The following NHERF1 variants were observed in gnomAD, a reference collection of about 807,000 sequenced individuals.
NHERF1 encodes NHERF family PDZ scaffold protein 1, also known as Na(+)/H(+) exchange regulatory cofactor NHE-RF1.
the NHERF1 span, chr17:74,749,096 A>G: frequency 4.4e-6 from 7 of 1,585,312 alleles, no homozygotes; most frequent in Admixed American, 1.8e-5. This position sits in a 1 kb window ranked among gnomAD's most constrained non-coding sequence, Gnocchi z 5.6. Context: ...CGCCGCACTC[A>G]ACGCCGTGCG....
At chr17:74,752,466 A>C in the NHERF1 span, among the ~76,000 whole-genome samples, 2 of 151,780 alleles carry the variant, frequency 1.3e-5, no homozygotes, top group Non-Finnish European at 2.9e-5. Context: ...CAGTAGGCAG[A>C]GTTAGCATTT....
chr17:74,766,561 G>A, the NHERF1 span, among the ~76,000 whole-genome samples: 2 of 151,888 alleles, frequency 1.3e-5, no homozygotes, highest in Non-Finnish European at 2.9e-5. Flanking sequence ...GAACACTGTA[G>A]TAAGGGTGTT....
the NHERF1 span, chr17:74,748,866 C>T: frequency 1.3e-6 from 2 of 1,594,750 alleles, no homozygotes; most frequent in Admixed American, 1.7e-5. The surrounding 1 kb of genome is among the most constrained non-coding windows in gnomAD (Gnocchi z 4.3). Flanking sequence ...GACGCAGCGG[C>T]CGGGGCGCCC....
the NHERF1 span, among the ~76,000 whole-genome samples, chr17:74,766,763 T>A: frequency 1.6e-3 from 240 of 151,618 alleles, 1 homozygote; most frequent in African/African-American, 5.1e-3. Context: ...AAAAAAAAAA[T>A]TTTTTTTAAA....
chr17:74,763,722 G>A, the NHERF1 span, among the ~76,000 whole-genome samples: 1 of 152,216 alleles, frequency 6.6e-6, no homozygotes, highest in African/African-American at 2.4e-5. Flanking sequence ...GTGGGTTTCT[G>A]AGGACGGCTT....
chr17:74,764,144 T>C, the NHERF1 span, among the ~76,000 whole-genome samples: 1 of 152,232 alleles, frequency 6.6e-6, no homozygotes. This position sits in a 1 kb window ranked among gnomAD's most constrained non-coding sequence, Gnocchi z 4.9. Flanking sequence ...TTAAGCATGC[T>C]CTGCTCCTTG....
the NHERF1 span, among the ~76,000 whole-genome samples, chr17:74,758,750 A>G: frequency 1.3e-5 from 2 of 152,134 alleles, no homozygotes; most frequent in Non-Finnish European, 2.9e-5. The surrounding 1 kb of genome is among the most constrained non-coding windows in gnomAD (Gnocchi z 4.3). Flanking sequence ...CCCTTTCCCC[A>G]GAGGCAGAAC....
At chr17:74,760,190 G>A in the NHERF1 span, among the ~76,000 whole-genome samples, 1 of 152,126 alleles carries the variant, frequency 6.6e-6, no homozygotes, top group Admixed American at 6.5e-5. The surrounding 1 kb of genome is among the most constrained non-coding windows in gnomAD (Gnocchi z 4.5). Context: ...ACTTACTCCC[G>A]GAACAAGATC....
chr17:74,760,397 G>A, the NHERF1 span, among the ~76,000 whole-genome samples: 1 of 152,138 alleles, frequency 6.6e-6, no homozygotes, highest in African/African-American at 2.4e-5. The surrounding 1 kb of genome is among the most constrained non-coding windows in gnomAD (Gnocchi z 4.5). Context: ...TGGGGTGAGG[G>A]GTCCTCGAGC....
chr17:74,766,341 C>A, the NHERF1 span, among the ~76,000 whole-genome samples: 2 of 151,958 alleles, frequency 1.3e-5, no homozygotes, highest in African/African-American at 2.4e-5. Flanking sequence ...GGATTACAGG[C>A]GTGTGCCACC....
the NHERF1 span, chr17:74,748,991 G>T: frequency 6.2e-7 from 1 of 1,608,878 alleles, no homozygotes; most frequent in African/African-American, 1.3e-5. This position sits in a 1 kb window ranked among gnomAD's most constrained non-coding sequence, Gnocchi z 4.3. Flanking sequence ...CTCGCCGGCC[G>T]AGAAGGCGGG....
the NHERF1 span, among the ~76,000 whole-genome samples, chr17:74,753,804 C>G: frequency 6.6e-6 from 1 of 152,056 alleles, no homozygotes; most frequent in Non-Finnish European, 1.5e-5. Context: ...TCCTTCTCCC[C>G]TTTCCCAGAT....
the NHERF1 span, among the ~76,000 whole-genome samples, chr17:74,765,258 C>G: frequency 2.0e-5 from 3 of 151,828 alleles, no homozygotes; most frequent in African/African-American, 7.3e-5. Context: ...CTCTTTTTTT[C>G]TTTTTCTTTT....
chr17:74,766,810 A>G, the NHERF1 span: 1 of 954,494 alleles, frequency 1.0e-6, no homozygotes. Flanking sequence ...GGTGGTAGTC[A>G]AAAAAGTTTG....
chr17:74,752,119 C>T, the NHERF1 span, among the ~76,000 whole-genome samples: 17 of 152,124 alleles, frequency 1.1e-4, no homozygotes, highest in Non-Finnish European at 1.0e-4. Flanking sequence ...AGTGCCTGAT[C>T]GATGGTCACT....
the NHERF1 span, among the ~76,000 whole-genome samples, chr17:74,761,049 A>G: frequency 6.6e-6 from 1 of 152,206 alleles, no homozygotes; most frequent in African/African-American, 2.4e-5. The surrounding 1 kb of genome is among the most constrained non-coding windows in gnomAD (Gnocchi z 4.3). Context: ...GCCTACACCC[A>G]TATTCCCTCC....
chr17:74,763,199 CA>C, the NHERF1 span: 1 of 610,264 alleles, frequency 1.6e-6, no homozygotes, highest in Non-Finnish European at 2.8e-6. Flanking sequence ...GGAGGACCCC[CA>C]GCCTAGTTCA....
chr17:74,754,612 A>G, the NHERF1 span, among the ~76,000 whole-genome samples: 1 of 151,974 alleles, frequency 6.6e-6, no homozygotes, highest in Non-Finnish European at 1.5e-5. Context: ...CACGGTGGCC[A>G]GGCTGGGTGG....
the NHERF1 span, chr17:74,761,957 A>G: frequency 6.3e-7 from 1 of 1,594,092 alleles, no homozygotes; most frequent in Non-Finnish European, 8.6e-7. This position sits in a 1 kb window ranked among gnomAD's most constrained non-coding sequence, Gnocchi z 4.3. Flanking sequence ...GAGGACAGGG[A>G]AGGCAGAACC....
Sources: allele counts gnomAD v4.1 joint callset (sites outside exome capture counted in the v4.1 genomes callset), GRCh38; gene constraint gnomAD v4.1.1; non-coding constraint Gnocchi (gnomAD v3.1); transcripts MANE v1.5; gene names NCBI Gene and HGNC (gene_info 2026-07-23, HGNC 2026-07-21).